VPS33A: variants seen among roughly 807,000 people sequenced by gnomAD.
VPS33A encodes VPS33A core subunit of CORVET and HOPS complexes, also known as vacuolar protein sorting-associated protein 33A.
Under a neutral mutation model 71.8 loss-of-function variants are expected in VPS33A, and 32 were observed. That is an observed-to-expected ratio of 0.45 (90% CI 0.34 to 0.60). The LOEUF (loss-of-function observed/expected upper bound fraction) is 0.60, where lower values mean the gene tolerates loss of function less well. Among genes scored for constraint, VPS33A ranks in the 20% least tolerant of loss-of-function variants. VPS33A has a pLI of 0.02. For synonymous variants in VPS33A, 311 were observed against 292.7 expected (o/e 1.06, Z -0.64); for missense variants, 625 against 748.5 (o/e 0.84, Z 1.92).
At chr12:122,244,856 G>T in intron 6 of VPS33A, 94 bp from the exon 7 acceptor site, 1 of 1,288,534 alleles carries the variant, frequency 7.8e-7, no homozygotes, top group Non-Finnish European at 1.1e-6. Flanking sequence ...CAACTCAGGA[G>T]AAAATGGAAG....
intron 10 of VPS33A, among the ~76,000 whole-genome samples, chr12:122,237,185 T>C (rs550291360): frequency 7.2e-5 from 11 of 152,344 alleles, no homozygotes; most frequent in African/African-American, 2.6e-4. Context: ...AAGAGTGGCC[T>C]TTTCCTTATT....
intron 10 of VPS33A, among the ~76,000 whole-genome samples, chr12:122,236,578 G>A (rs1954631959): frequency 6.6e-6 from 1 of 152,166 alleles, no homozygotes; most frequent in South Asian, 2.1e-4. Flanking sequence ...AGGTTACAGT[G>A]AGCCAAGATT....
At chr12:122,242,533 C>T (rs1954729376) in intron 7 of VPS33A, 25 bp from the exon 8 acceptor site, 1 of 1,588,590 alleles carries the variant, frequency 6.3e-7, no homozygotes, top group Admixed American at 1.7e-5. Flanking sequence ...AGAGCAGTGC[C>T]TCAAGCAGGG....
At chr12:122,262,002 AAAAT>A (rs1202416466) in intron 3 of VPS33A, among the ~76,000 whole-genome samples, 1 of 152,100 alleles carries the variant, frequency 6.6e-6, no homozygotes, top group Non-Finnish European at 1.5e-5. Flanking sequence ...ACTCCATCTC[AAAAT>A]AAATAAATAA....
chr12:122,234,478 G>C (rs1026461019), intron 11 of VPS33A, among the ~76,000 whole-genome samples: 1 of 152,108 alleles, frequency 6.6e-6, no homozygotes, highest in Non-Finnish European at 1.5e-5. Context: ...TTTTAGTAGA[G>C]ACAGGGTTTC....
intron 8 of VPS33A, among the ~76,000 whole-genome samples, chr12:122,241,368 CA>C (rs565099097): frequency 3.3e-4 from 50 of 151,550 alleles, no homozygotes; most frequent in African/African-American, 1.2e-3. Flanking sequence ...TGCAGTGGTG[CA>C]ATCTTGGCTC....
intron 1 of VPS33A, among the ~76,000 whole-genome samples, chr12:122,264,535 C>A (rs1955041402): frequency 6.6e-6 from 1 of 152,012 alleles, no homozygotes; most frequent in Admixed American, 6.6e-5. Context: ...GGATTATAGG[C>A]ATGCACCACC....
At chr12:122,263,910 T>C (rs940090862) in intron 2 of VPS33A, among the ~76,000 whole-genome samples, 2 of 152,346 alleles carry the variant, frequency 1.3e-5, no homozygotes, top group East Asian at 3.9e-4. Context: ...TACATGATGA[T>C]GAACTATCAA....
rs900353510 is a variant in VPS33A, at chr12:122,264,233, T to A, written c.103-34A>T. 2.1e-6 allele frequency: 3 copies of A among 1,454,260 alleles called. No homozygotes were observed. In the Admixed American group the frequency reaches 5.7e-5, roughly 27 times the overall value. 90.1% of individuals were successfully genotyped at this position (1,454,260 alleles called of 1,614,324 possible). A position where few individuals can be genotyped will look rare whatever the true frequency, so the allele number is the denominator to read the frequency against. On this transcript the variant is annotated intron_variant, in intron 1 of 12. Coordinates refer to ENST00000267199, the MANE Select transcript of VPS33A (RefSeq NM_022916.6). Reference sequence around the variant, plus strand: ...GGGGAGAAACATTCTCTTATTATAGTTAATATCAGGAATTTTAACAATACC... The same window carrying A: ...GGGGAGAAACATTCTCTTATTATAGATAATATCAGGAATTTTAACAATACC...
At chr12:122,239,792 G>T (rs1158220899) in intron 9 of VPS33A, 86 bp downstream of exon 9, 2 of 647,522 alleles carry the variant, frequency 3.1e-6, no homozygotes, top group South Asian at 2.2e-5. Context: ...CAAGGCATGG[G>T]AATCAAAGCA....
chr12:122,242,262 C>T (rs538287604), intron 8 of VPS33A, 120 bp downstream of exon 8: 11 of 1,209,566 alleles, frequency 9.1e-6, no homozygotes, highest in African/African-American at 6.0e-5. Flanking sequence ...GAGAAGAACA[C>T]GTGGTATTAA....
intron 4 of VPS33A, among the ~76,000 whole-genome samples, chr12:122,257,197 C>G (rs1954930210): frequency 6.6e-6 from 1 of 151,910 alleles, no homozygotes; most frequent in South Asian, 2.1e-4. Flanking sequence ...GAGGCCGAGG[C>G]AGGTGGATCA....
intron 10 of VPS33A, among the ~76,000 whole-genome samples, chr12:122,238,265 G>A (rs939546094): frequency 1.3e-5 from 2 of 152,042 alleles, no homozygotes; most frequent in Non-Finnish European, 2.9e-5. Flanking sequence ...CTGTTGCCCA[G>A]GCTGGAGTGC....
At chr12:122,235,177 C>G (rs1287982378) in intron 11 of VPS33A, among the ~76,000 whole-genome samples, 1 of 151,638 alleles carries the variant, frequency 6.6e-6, no homozygotes, top group African/African-American at 2.4e-5. Context: ...CCAGGCTGGT[C>G]TCGAACTCCT....
chr12:122,255,117 GT>G (rs1954899540), intron 4 of VPS33A, among the ~76,000 whole-genome samples: 1 of 151,750 alleles, frequency 6.6e-6, no homozygotes, highest in Non-Finnish European at 1.5e-5. Flanking sequence ...AAATAAACAG[GT>G]TATTTCTCCT....
intron 4 of VPS33A, among the ~76,000 whole-genome samples, chr12:122,254,084 A>G (rs1337999679): frequency 6.6e-6 from 1 of 152,152 alleles, no homozygotes. Context: ...GGTTTTATAT[A>G]TGCTGATTTT....
intron 4 of VPS33A, among the ~76,000 whole-genome samples, chr12:122,254,605 T>G (rs1462082088): frequency 6.6e-6 from 1 of 151,892 alleles, no homozygotes; most frequent in African/African-American, 2.4e-5. Context: ...GAGATGGAGT[T>G]TTGCTATGTT....
At chr12:122,265,601 T>A in intron 1 of VPS33A, 1 of 360,260 alleles carries the variant, frequency 2.8e-6, no homozygotes, top group Non-Finnish European at 5.9e-6. Flanking sequence ...TGTAGACTGC[T>A]TTCTTCTCTC....
Position 122,234,922 on chromosome 12 carries a change from C to T in VPS33A, c.1440+864G>A, listed in dbSNP as rs535363758. 3.7e-4 allele frequency among the ~76,000 whole-genome samples: 56 copies of T among 152,324 alleles called. No individual in the cohort carries two copies. In the South Asian group the frequency reaches 0.012, roughly 32 times the overall value. Reference sequence around the variant, plus strand: ...AGACAAGTTTCTAGAACACCCCCCTCTCCTTGTCCTTCAGGCCGTGGCTGG... The same window carrying T: ...AGACAAGTTTCTAGAACACCCCCCTTTCCTTGTCCTTCAGGCCGTGGCTGG... On this transcript the variant is annotated intron_variant, in intron 11 of 12. Transcript: ENST00000267199.
Sources: gnomAD v4.1 joint callset for allele counts (sites outside exome capture counted in the v4.1 genomes callset) on GRCh38, gnomAD v4.1.1 for gene constraint, MANE v1.5 for transcripts, NCBI Gene and HGNC (gene_info 2026-07-23, HGNC 2026-07-21) for gene names.